The following ETV4 variants were observed in gnomAD, a reference collection of about 807,000 sequenced individuals.
The protein encoded by ETV4 is ETS translocation variant 4.
In ETV4, 42 loss-of-function variants were observed where a neutral mutation model predicts 65.9. The observed-to-expected ratio is 0.64, with a 90% confidence interval of 0.50 to 0.82. The LOEUF (loss-of-function observed/expected upper bound fraction) is 0.82. Ranked by LOEUF, ETV4 falls within the 40% of genes least tolerant of loss-of-function variation. The probability of loss-of-function intolerance (pLI) is 0.00; values close to 1 mark genes in which losing one functional copy is unlikely to be tolerated. For missense variants in ETV4, 583 were observed against 630.3 expected, an observed-to-expected ratio of 0.92 and a Z score of 0.80; for synonymous variants, 238 against 260.0, an observed-to-expected ratio of 0.92 and a Z score of 0.81.
In ETV4 at chr17:43,532,815, T is replaced by C. The variant is rs1971017585; in HGVS notation, c.670A>G (p.Ser224Gly). The change falls in exon 8 of 13, where the codon AGC becomes GGC. Residue 224 changes from serine to glycine, a missense_variant. By Grantham distance (56) the Ser-to-Gly change is moderately conservative. Coordinates refer to ENST00000319349, the MANE Select transcript of ETV4 (RefSeq NM_001079675.5). The stretch of plus-strand genomic sequence containing the variant: ...GGATCATGGTATTCTTGCTTAAAGC[T>C]CTGCTGGGGATAGGGTGGGCAGGGC... Reference protein sequence around the residue: ...SEPCPPYPQQSFKQEYHDPLY... With the variant: ...SEPCPPYPQQGFKQEYHDPLY... 2 of 1,613,824 alleles carry C rather than the reference T, an allele frequency of 1.2e-6. No homozygotes were observed. The highest frequency in any genetic ancestry group is 1.7e-6 in the Non-Finnish European group (2 of 1,179,980).
rs796159098 is a variant in ETV4, at chr17:43,528,246, T to C, written c.*273A>G. 6.0e-5 allele frequency: 23 copies of C among 384,012 alleles called. No individual in the cohort carries two copies. The highest frequency in any genetic ancestry group is 4.4e-4 in the African/African-American group (22 of 49,684). 23.8% of individuals were successfully genotyped at this position (384,012 alleles called of 1,614,324 possible). On this transcript the variant is annotated 3_prime_UTR_variant, in exon 13 of 13. Transcript: ENST00000319349. Reference sequence around the variant, plus strand: ...TGGTTGGGGAAAAGGTGTGGGGGGCTTGGACCTAGGAAGAAGCTGAGCTGA... The same window carrying C: ...TGGTTGGGGAAAAGGTGTGGGGGGCCTGGACCTAGGAAGAAGCTGAGCTGA...
rs34640745 is a variant in ETV4 at position 43,545,194 on chromosome 17, CGTGTGT to C, written c.154+74_154+79del. 2.5e-3 allele frequency: 1,568 copies of C among 636,352 alleles called. 7 individuals carry two copies. The highest frequency in any genetic ancestry group is 0.023 in the African/African-American group (1,038 of 45,434). 39.4% of individuals were successfully genotyped at this position (636,352 alleles called of 1,614,324 possible). ...AACAGGCGGGGGTTCCAGAATCGGC[CGTGTGT>C]GTGTGTGTGTGTGTGTGTGTGTGTG... On this transcript the variant is annotated intron_variant, in intron 3 of 12. Coordinates refer to ENST00000319349, the MANE Select transcript of ETV4 (RefSeq NM_001079675.5).
At position 43,528,436 on chromosome 17, in the gene ETV4, G is replaced by C. The variant is rs1361977304; in HGVS notation, c.*83C>G. Reference sequence around the variant, plus strand: ...GCCCCAGAGACATCTGTGGGTTTCAGATGAAGGTTTCCCCAACACCAGATT... The same window carrying C: ...GCCCCAGAGACATCTGTGGGTTTCACATGAAGGTTTCCCCAACACCAGATT... On this transcript the variant is annotated 3_prime_UTR_variant, in exon 13 of 13. Coordinates refer to ENST00000319349, the MANE Select transcript of ETV4 (RefSeq NM_001079675.5). 4.1e-6 allele frequency: 4 copies of C among 971,788 alleles called. No homozygotes were observed. Among genetic ancestry groups the C allele is most frequent in the Non-Finnish European group, 6.1e-6 (4 of 658,038 alleles). The allele number at this position is 971,788 out of a possible 1,614,324, so 60.2% of individuals were successfully genotyped here. A position where few individuals can be genotyped will look rare whatever the true frequency, so the allele number is the denominator to read the frequency against.
chr17:43,533,202 T>C lies in ETV4; in HGVS notation c.530A>G (p.Tyr177Cys), dbSNP rs780197934. 1.9e-6 allele frequency: 3 copies of C among 1,613,098 alleles called. No individual in the cohort carries two copies. Among genetic ancestry groups the C allele is most frequent in the Non-Finnish European group, 2.5e-6 (3 of 1,179,696 alleles). ...GTSQPHPGHG[Y>C]LGEHSSVFQQ... ...GTCTCCTTACCTATGTTCCCCGAGGTACCCATGGCCAGGGTGGGGCTGGGA... is the reference window on the plus strand; with the variant it reads ...GTCTCCTTACCTATGTTCCCCGAGGCACCCATGGCCAGGGTGGGGCTGGGA... The change falls in exon 7 of 13, where the codon TAC becomes TGC. Residue 177 changes from tyrosine (Y) to cysteine (C), a missense_variant. Transcript: ENST00000319349.
Position 43,545,609 on chromosome 17 carries a change from C to A in ETV4, c.9G>T (p.Arg3=). ...GGTCCAAGTATCCGGCTTTCATCCT[C>A]CGCTCCATCCGGCCGCTCCCTCCGG... ME[R]RMKAGYLDQQ... The change falls in exon 2 of 13, where the codon CGG becomes CGT. Residue 3 remains arginine, a synonymous_variant. Transcript: ENST00000319349. 1 of 1,550,958 alleles carries A rather than the reference C, an allele frequency of 6.4e-7. No homozygotes were observed. The highest frequency in any genetic ancestry group is 8.7e-7 in the Non-Finnish European group (1 of 1,146,962).
At chr17:43,536,405 T>G (rs779373281) in intron 5 of ETV4, 21 bp downstream of exon 5, 3 of 1,611,374 alleles carry the variant, frequency 1.9e-6, no homozygotes, top group Non-Finnish European at 2.5e-6. Context: ...CTATACCCTC[T>G]CCCCAGGGAC....
intron 5 of ETV4, 195 bp downstream of exon 5, chr17:43,536,231 A>C: frequency 1.6e-6 from 1 of 637,662 alleles, no homozygotes; most frequent in Non-Finnish European, 2.8e-6. Context: ...GTCTGCTCTA[A>C]GGTCACACAG....
At position 43,545,362 on chromosome 17, in the gene ETV4, C is replaced by G; in HGVS notation, c.66G>C (p.Ser22=). The change falls in exon 3 of 13, where the codon TCG becomes TCC. Residue 22 remains serine (S), a synonymous_variant. Transcript: ENST00000319349. The part of the protein sequence containing the change: ...QQVPYTFSSK[S]PGNGSLREAL... Reference sequence around the variant, plus strand: ...CTTCGCGCAAGCTCCCATTTCCGGGCGATTTCTGCGAGAAGCGGGGAGAAT... The same window carrying G: ...CTTCGCGCAAGCTCCCATTTCCGGGGGATTTCTGCGAGAAGCGGGGAGAAT... 1.3e-6 allele frequency: 2 copies of G among 1,592,306 alleles called. No individual in the cohort carries two copies. Among genetic ancestry groups the G allele is most frequent in the Non-Finnish European group, 1.7e-6 (2 of 1,168,760 alleles).
chr17:43,542,683 C>A (rs1313120415), intron 4 of ETV4, among the ~76,000 whole-genome samples: 1 of 152,154 alleles, frequency 6.6e-6, no homozygotes, highest in Admixed American at 6.5e-5. Context: ...CACCCTTCAA[C>A]GCCCGGACGC....
At chr17:43,529,029 T>C in intron 12 of ETV4, 106 bp downstream of exon 12, 2 of 1,076,706 alleles carry the variant, frequency 1.9e-6, no homozygotes, top group East Asian at 4.7e-5. Context: ...TGATTCATTA[T>C]CTGATCCTAC....
chr17:43,529,694 A>G lies in ETV4; in HGVS notation c.956-18T>C, dbSNP rs199864425. 5.4e-4 allele frequency: 872 copies of G among 1,600,706 alleles called. No individual in the cohort carries two copies. The highest frequency in any genetic ancestry group is 6.9e-4 in the Non-Finnish European group (809 of 1,171,686). Reference sequence around the variant, plus strand: ...GATGTCTCCTGGGGAACACGAAAATAGGAGGTGTGGGGTTTGTGTCTTTTG... The same window carrying G: ...GATGTCTCCTGGGGAACACGAAAATGGGAGGTGTGGGGTTTGTGTCTTTTG... On this transcript the variant is annotated intron_variant, in intron 10 of 12. Coordinates refer to ENST00000319349, the MANE Select transcript of ETV4 (RefSeq NM_001079675.5).
At chr17:43,533,372 G>C in intron 6 of ETV4, 24 bp from the exon 7 acceptor site, 1 of 1,600,644 alleles carries the variant, frequency 6.2e-7, no homozygotes, top group Non-Finnish European at 8.6e-7. Flanking sequence ...GGAGACAGGG[G>C]TGAGGGGGCA....
Position 43,530,229 on chromosome 17 carries a change from C to T in ETV4, c.812-48G>A, listed in dbSNP as rs150011413. 4,559 of 1,551,464 alleles carry T rather than the reference C, an allele frequency of 2.9e-3. 97 individuals carry two copies. In the African/African-American group the frequency reaches 0.048, roughly 16 times the overall value. Reference sequence around the variant, plus strand: ...GTGAGAAGTGGCTTGGGGTGGAGCTCGAGGGCAGGGGAGGAGGAAGTCCTA... The same window carrying T: ...GTGAGAAGTGGCTTGGGGTGGAGCTTGAGGGCAGGGGAGGAGGAAGTCCTA... On this transcript the variant is annotated intron_variant, in intron 8 of 12. Transcript: ENST00000319349.
At chr17:43,545,109 C>T (rs369752067) in intron 3 of ETV4, 87 bp from the exon 4 acceptor site, 2 of 1,444,184 alleles carry the variant, frequency 1.4e-6, no homozygotes, top group Non-Finnish European at 1.9e-6. Context: ...ACTCCCCTGC[C>T]TTGGGAGTAG....
rs1971246248 is a variant in ETV4 at position 43,536,416 on chromosome 17, C to G, written c.256+10G>C. 1.2e-6 allele frequency: 2 copies of G among 1,613,650 alleles called. No individual in the cohort carries two copies. The highest frequency in any genetic ancestry group is 3.3e-4 in the Middle Eastern group (2 of 6,062). On this transcript the variant is annotated intron_variant, in intron 5 of 12. Coordinates refer to ENST00000319349, the MANE Select transcript of ETV4 (RefSeq NM_001079675.5). ...CTCCCTATACCCTCTCCCCAGGGAC[C>G]TCTACTCACGGTTTTCTGAATGGAA...
Position 43,528,757 on chromosome 17 carries a change from G to A in ETV4, c.1231-14C>T, listed in dbSNP as rs1418190997. On this transcript the variant is annotated splice_polypyrimidine_tract_variant and intron_variant, in intron 12 of 12. Coordinates refer to ENST00000319349, the MANE Select transcript of ETV4 (RefSeq NM_001079675.5). ...CTCACCAGCCACCTATGGGGAGAGA[G>A]AAGGTCTGGTCAGCCTGGCTAGCCG... 1.2e-6 allele frequency: 2 copies of A among 1,611,452 alleles called. No individual in the cohort carries two copies. Among genetic ancestry groups the A allele is most frequent in the African/African-American group, 2.7e-5 (2 of 74,876 alleles).
intron 4 of ETV4, among the ~76,000 whole-genome samples, chr17:43,542,959 G>A (rs1019164881): frequency 3.3e-5 from 5 of 152,268 alleles, no homozygotes; most frequent in East Asian, 1.9e-4. Flanking sequence ...ATGGGTTGCC[G>A]GGGTCACTGA....
chr17:43,529,996 G>A lies in ETV4; in HGVS notation c.887-44C>T, dbSNP rs543125768. On this transcript the variant is annotated intron_variant, in intron 9 of 12. Transcript: ENST00000319349. ...GGTTGCTCAGATCTGGGGGTTCACC[G>A]ATGAGACCCCAGAGAGTCCAGAGGG... 4.5e-4 allele frequency: 722 copies of A among 1,612,488 alleles called. 7 individuals are homozygous for A. The South Asian group carries it at 6.0e-3, about 13-fold the overall frequency.
Position 43,545,299 on chromosome 17 carries a change from G to A in ETV4, c.129C>T (p.Gly43=). Residue 43 remains glycine (G), a synonymous_variant, in exon 3 of 13, where the codon GGC becomes GGT. Coordinates refer to ENST00000319349, the MANE Select transcript of ETV4 (RefSeq NM_001079675.5). The stretch of plus-strand genomic sequence containing the variant: ...CTTCAGAGTCGAGGGGCGGCAGGGA[G>A]CCCGGGTCCATGAGCTTCCCCAGCG... The part of the protein sequence containing the change: ...IGPLGKLMDP[G]SLPPLDSEDL... 6.2e-7 allele frequency: 1 copy of A among 1,609,582 alleles called. No individual in the cohort carries two copies. The highest frequency in any genetic ancestry group is 8.5e-7 in the Non-Finnish European group (1 of 1,177,952).
Sources: allele counts gnomAD v4.1 joint callset (sites outside exome capture counted in the v4.1 genomes callset), GRCh38; gene constraint gnomAD v4.1.1; transcripts MANE v1.5; gene names NCBI Gene and HGNC (gene_info 2026-07-23, HGNC 2026-07-21).